The following STK10 variants were observed in gnomAD, a reference collection of about 807,000 sequenced individuals.
STK10 encodes serine/threonine kinase 10.
In STK10, 78 loss-of-function variants were observed where a neutral mutation model predicts 113.8. That is an observed-to-expected ratio of 0.69 (90% CI 0.57 to 0.83). STK10 has a LOEUF of 0.83. Ranked by LOEUF, STK10 falls within the 40% of genes least tolerant of loss-of-function variation. The probability of loss-of-function intolerance (pLI) is 0.00; values close to 1 mark genes in which losing one functional copy is unlikely to be tolerated. For synonymous variants in STK10, 465 were observed against 494.7 expected, an observed-to-expected ratio of 0.94 and a Z score of 0.80; for missense variants, 1,109 against 1,280.1, an observed-to-expected ratio of 0.87 and a Z score of 2.04.
chr5:172,047,943 C>T (rs566483327), intron 18 of STK10, among the ~76,000 whole-genome samples: 63 of 135,734 alleles, frequency 4.6e-4, no homozygotes, highest in Non-Finnish European at 8.0e-4. Context: ...TGCTCTGTCA[C>T]CCAGGCTGGG....
intron 2 of STK10, among the ~76,000 whole-genome samples, chr5:172,150,001 C>G (rs1254262886): frequency 7.0e-6 from 1 of 142,228 alleles, no homozygotes; most frequent in Admixed American, 7.2e-5. Flanking sequence ...GAGCCGAGAT[C>G]GCGCCATTGC....
chr5:172,172,860 A>ATT (rs1484582793), intron 1 of STK10, among the ~76,000 whole-genome samples: 2 of 152,012 alleles, frequency 1.3e-5, no homozygotes, highest in Admixed American at 1.3e-4. Flanking sequence ...CGTGCCTGTA[A>ATT]TTCCAGCTAC....
chr5:172,131,853 G>A (rs1360675733), intron 2 of STK10, among the ~76,000 whole-genome samples: 1 of 152,178 alleles, frequency 6.6e-6, no homozygotes, highest in Admixed American at 6.5e-5. Context: ...AGTGTTGGGA[G>A]GTGGGACCAA....
intron 1 of STK10, among the ~76,000 whole-genome samples, chr5:172,166,582 T>C (rs1367042731): frequency 2.6e-5 from 4 of 152,138 alleles, no homozygotes; most frequent in African/African-American, 7.2e-5. Context: ...GGAAAACACG[T>C]AGGACAGAGG....
At chr5:172,070,640 A>G (rs897258782) in intron 12 of STK10, among the ~76,000 whole-genome samples, 2 of 152,160 alleles carry the variant, frequency 1.3e-5, no homozygotes, top group Admixed American at 6.5e-5. Flanking sequence ...GCAGAAATCA[A>G]TAACATTGAA....
chr5:172,114,474 T>TG (rs55784262), intron 4 of STK10: 1 of 25,780 alleles, frequency 3.9e-5, no homozygotes, highest in Non-Finnish European at 6.1e-5. Context: ...TATATATATA[T>TG]TTTTTTTTTT....
intron 6 of STK10, among the ~76,000 whole-genome samples, chr5:172,106,419 G>GA (rs1769110876): frequency 2.0e-5 from 2 of 102,106 alleles, no homozygotes; most frequent in South Asian, 3.4e-4. Flanking sequence ...AAAAAAAAAA[G>GA]GAACACAAAG....
intron 2 of STK10, among the ~76,000 whole-genome samples, chr5:172,155,926 C>A (rs1217514764): frequency 1.3e-5 from 2 of 151,188 alleles, no homozygotes. Context: ...AGCCGGGAGG[C>A]GGAGGGTGTA....
In STK10 at chr5:172,044,991, C is replaced by T. The variant is rs369344814; in HGVS notation, c.2798G>A (p.Arg933Gln). Residue 933 changes from arginine to glutamine, a missense_variant, in exon 19 of 19, where the codon CGG becomes CAG. By Grantham distance (43) the Arg-to-Gln change is conservative. Around this residue, in one of 5 missense-constraint regions of STK10, gnomAD observed 885 missense variants for 991.1 expected, o/e 0.89. Coordinates refer to ENST00000176763, the MANE Select transcript of STK10 (RefSeq NM_005990.4). The surrounding 1 kb of genome is among the most constrained non-coding windows in gnomAD (Gnocchi z 4.5). ...CAGCTTGAAGAACATCTCCTGCTCC[C>T]GCTTCTTCTGGTTCAGATCCTCTTC... ...ALEEDLNQKKREQEMFFKLSE... is the reference protein window; with the variant it reads ...ALEEDLNQKKQEQEMFFKLSE... The T allele has an allele frequency of 9.3e-6, 15 of 1,614,216 alleles. No individual in the cohort carries two copies. The highest frequency in any genetic ancestry group is 1.6e-4 in the Middle Eastern group (1 of 6,062).
intron 2 of STK10, among the ~76,000 whole-genome samples, chr5:172,135,566 A>G (rs1227459323): frequency 1.3e-5 from 2 of 152,120 alleles, no homozygotes; most frequent in Non-Finnish European, 2.9e-5. Flanking sequence ...AGAAATTGGA[A>G]CCTTCATACA....
chr5:172,096,099 T>C (rs1375956520), intron 8 of STK10, among the ~76,000 whole-genome samples: 1 of 152,174 alleles, frequency 6.6e-6, no homozygotes, highest in Admixed American at 6.5e-5. Context: ...CAGTCTCATT[T>C]GGTATGTGAG....
At chr5:172,076,201 T>C in intron 12 of STK10, among the ~76,000 whole-genome samples, 1 of 110,144 alleles carries the variant, frequency 9.1e-6, no homozygotes, top group South Asian at 3.7e-4. Context: ...GGCTGTCCTG[T>C]GCATTTGTTG....
chr5:172,179,607 C>A (rs1237663909), intron 1 of STK10, among the ~76,000 whole-genome samples: 1 of 129,270 alleles, frequency 7.7e-6, no homozygotes, highest in Non-Finnish European at 1.6e-5. Flanking sequence ...GTGGGCAGGG[C>A]CCCACGCAGA....
intron 2 of STK10, among the ~76,000 whole-genome samples, chr5:172,135,752 A>C (rs1297186962): frequency 6.6e-6 from 1 of 152,186 alleles, no homozygotes. Flanking sequence ...AAAAACTCAA[A>C]TTATGGCCAG....
Position 172,093,105 on chromosome 5 carries a change from G to A in STK10, c.1554+307C>T, listed in dbSNP as rs2113746528. Among the ~76,000 whole-genome samples the A allele has an allele frequency of 6.6e-6, 1 of 152,318 alleles. No homozygotes were observed. Among genetic ancestry groups the A allele is most frequent in the South Asian group, 2.1e-4 (1 of 4,828 alleles). ...GTTGGATTTACCAGTTATCAGCTGG[G>A]TCTCGTGGCTGACCTCTGGATGACA... On this transcript the variant is annotated intron_variant, in intron 9 of 18. Coordinates refer to ENST00000176763, the MANE Select transcript of STK10 (RefSeq NM_005990.4). This position sits in a 1 kb window ranked among gnomAD's most constrained non-coding sequence, Gnocchi z 4.1.
At chr5:172,172,236 C>T (rs1410513937) in intron 1 of STK10, among the ~76,000 whole-genome samples, 1 of 152,186 alleles carries the variant, frequency 6.6e-6, no homozygotes, top group Non-Finnish European at 1.5e-5. Context: ...GAGCACAAAA[C>T]ACTCTTCCCC....
At position 172,093,607 on chromosome 5, in the gene STK10, G is replaced by C; in HGVS notation, c.1359C>G (p.Asn453Lys). ...CACCCAAGGTCTCCAGGGCGCTGCT[G>C]TTGGGCCGGCTCTGGCTGGCCTTTT... ...RSQKASQSRP[N>K]SSALETLGGE... The change falls in exon 9 of 19, where the codon AAC becomes AAG. Residue 453 changes from asparagine to lysine, a missense_variant. This residue lies in a region of STK10 where 885 missense variants were observed against 991.1 expected (regional missense o/e 0.89). Transcript: ENST00000176763. This position sits in a 1 kb window ranked among gnomAD's most constrained non-coding sequence, Gnocchi z 4.1. 1 of 1,614,264 alleles carries C rather than the reference G, an allele frequency of 6.2e-7. No homozygotes were observed. The highest frequency in any genetic ancestry group is 8.5e-7 in the Non-Finnish European group (1 of 1,180,036).
In STK10 at chr5:172,064,683, C is replaced by T. The variant is rs59167910; in HGVS notation, c.2082+37G>A. ...CTGGTCACCATTCCAGGTCTCGCAC[C>T]AGCCCCTGCGCTCCCCAGCTGAGGC... On this transcript the variant is annotated intron_variant, in intron 13 of 18. Transcript: ENST00000176763. The T allele has an allele frequency of 1.5e-3, 2,335 of 1,608,716 alleles. 34 individuals carry two copies. The African/African-American group carries it at 0.027, about 19-fold the overall frequency.
intron 12 of STK10, among the ~76,000 whole-genome samples, chr5:172,072,771 C>A (rs1001050840): frequency 6.6e-6 from 1 of 151,838 alleles, no homozygotes; most frequent in South Asian, 2.1e-4. Context: ...TTGGCTAGCA[C>A]AATAAAGCAA....
Sources: gnomAD v4.1 joint callset for allele counts (sites outside exome capture counted in the v4.1 genomes callset) on GRCh38, gnomAD v4.1.1 for gene constraint, gnomAD v4.1.1 regional missense constraint, Gnocchi (gnomAD v3.1) non-coding constraint, MANE v1.5 for transcripts, NCBI Gene and HGNC (gene_info 2026-07-23, HGNC 2026-07-21) for gene names.